SF3B3: variants seen among roughly 807,000 people sequenced by gnomAD.
The protein encoded by SF3B3 is SAP 130.
A neutral mutation model predicts 139.2 loss-of-function variants in SF3B3; 33 were observed. That is an observed-to-expected ratio of 0.24 (90% CI 0.18 to 0.32). The LOEUF (loss-of-function observed/expected upper bound fraction) is 0.32. SF3B3 is among the 10% of genes least tolerant of loss of function. The probability of loss-of-function intolerance (pLI) is 1.00; values close to 1 mark genes in which losing one functional copy is unlikely to be tolerated. For missense variants in SF3B3, 818 were observed against 1,509.4 expected, an observed-to-expected ratio of 0.54 and a Z score of 7.59; for synonymous variants, 596 against 563.6, an observed-to-expected ratio of 1.06 and a Z score of -0.81.
intron 6 of SF3B3, 38 bp downstream of exon 6, chr16:70,535,458 T>A: frequency 7.8e-7 from 1 of 1,279,732 alleles, no homozygotes; most frequent in Non-Finnish European, 1.1e-6. Flanking sequence ...GATTTGTGTT[T>A]AATTTTTGTG....
chr16:70,525,274 G>C (rs539494743), intron 1 of SF3B3, among the ~76,000 whole-genome samples: 44 of 152,146 alleles, frequency 2.9e-4, no homozygotes, highest in African/African-American at 1.0e-3. Flanking sequence ...TGACCCATTT[G>C]CCTCGGCCTC....
chr16:70,526,835 A>G (rs539239441), intron 2 of SF3B3, 109 bp downstream of exon 2: 3 of 746,004 alleles, frequency 4.0e-6, no homozygotes, highest in Non-Finnish European at 4.5e-6. Context: ...AGTTGTTGGT[A>G]AATGTAAACA....
intron 18 of SF3B3, among the ~76,000 whole-genome samples, chr16:70,564,851 C>G (rs1327267299): frequency 6.6e-6 from 1 of 152,160 alleles, no homozygotes; most frequent in Non-Finnish European, 1.5e-5. Flanking sequence ...AATATGTAAC[C>G]AGCAATGTCT....
At position 70,577,236 on chromosome 16, in the gene SF3B3, C is replaced by T. The variant is rs1207418950; in HGVS notation, c.*5423C>T. Reference sequence around the variant, plus strand: ...TGTCCGCTGACCTGGGGCTCTGGCCCTGGGAGATCTGGGGGACCTGCTGTC... The same window carrying T: ...TGTCCGCTGACCTGGGGCTCTGGCCTTGGGAGATCTGGGGGACCTGCTGTC... On this transcript the variant is annotated 3_prime_UTR_variant, in exon 26 of 26. Coordinates refer to ENST00000302516, the MANE Select transcript of SF3B3 (RefSeq NM_012426.5). The T allele has an allele frequency of 1.3e-5, 2 of 152,338 alleles. No individual in the cohort carries two copies. Among genetic ancestry groups the T allele is most frequent in the Non-Finnish European group, 2.9e-5 (2 of 68,142 alleles). The allele number at this position is 152,338 out of a possible 1,614,324, so 9.4% of individuals were successfully genotyped here. A position where few individuals can be genotyped will look rare whatever the true frequency, so the allele number is the denominator to read the frequency against.
chr16:70,555,857 AAC>A (rs1440544372), intron 13 of SF3B3, among the ~76,000 whole-genome samples: 1 of 152,170 alleles, frequency 6.6e-6, no homozygotes, highest in Admixed American at 6.5e-5. Flanking sequence ...ATTCTTGTAA[AAC>A]ACAGACAGTT....
intron 7 of SF3B3, 23 bp from the exon 8 acceptor site, chr16:70,539,081 C>G: frequency 6.5e-7 from 1 of 1,539,578 alleles, no homozygotes; most frequent in African/African-American, 1.4e-5. Flanking sequence ...GTTTGTACAC[C>G]AGAATGTTTC....
chr16:70,556,140 C>T, intron 13 of SF3B3, 39 bp from the exon 14 acceptor site: 1 of 1,610,964 alleles, frequency 6.2e-7, no homozygotes, highest in Non-Finnish European at 8.5e-7. Context: ...AGACCCATCC[C>T]TCTGTAGTTT....
chr16:70,526,886 T>C, intron 2 of SF3B3, 160 bp downstream of exon 2: 2 of 609,940 alleles, frequency 3.3e-6, no homozygotes, highest in East Asian at 2.8e-5. Context: ...TGGTGCATTA[T>C]CTGTTACCTA....
intron 11 of SF3B3, 133 bp from the exon 12 acceptor site, chr16:70,554,313 G>T: frequency 1.3e-6 from 1 of 752,998 alleles, no homozygotes; most frequent in Non-Finnish European, 2.2e-6. Flanking sequence ...GCATGTGTAT[G>T]TGTGTATGTG....
Position 70,554,351 on chromosome 16 carries a change from C to T in SF3B3, c.1403-95C>T, listed in dbSNP as rs1335551652. The T allele has an allele frequency of 1.4e-5, 17 of 1,205,218 alleles. No individual in the cohort carries two copies. The East Asian group carries it at 3.7e-4, about 27-fold the overall frequency. 74.7% of individuals were successfully genotyped at this position (1,205,218 alleles called of 1,614,324 possible). On this transcript the variant is annotated intron_variant, in intron 11 of 25. Transcript: ENST00000302516. ...TAATAACTACACATAGAAGAACTGC[C>T]TTGGAAGGTTTCTGAAGAGAACTCT...
intron 23 of SF3B3, 107 bp from the exon 24 acceptor site, chr16:70,569,899 G>C: frequency 8.0e-7 from 1 of 1,252,104 alleles, no homozygotes; most frequent in South Asian, 1.4e-5. Context: ...ATAATTTTTG[G>C]ATGTTAATAG....
chr16:70,530,074 C>T (rs1409154562), intron 3 of SF3B3, among the ~76,000 whole-genome samples: 4 of 150,854 alleles, frequency 2.7e-5, no homozygotes, highest in Non-Finnish European at 5.9e-5. Context: ...TGCAGTGAGC[C>T]GAGATAGCGC....
At chr16:70,545,724 C>T (rs2050261944) in intron 10 of SF3B3, among the ~76,000 whole-genome samples, 1 of 152,124 alleles carries the variant, frequency 6.6e-6, no homozygotes, top group Admixed American at 6.5e-5. Context: ...ATAGCTATTA[C>T]TAAGTTTTTG....
intron 17 of SF3B3, among the ~76,000 whole-genome samples, chr16:70,562,112 C>T (rs2050434550): frequency 6.6e-6 from 1 of 152,152 alleles, no homozygotes; most frequent in Non-Finnish European, 1.5e-5. Context: ...GCATTGATAA[C>T]CTTTCTTACT....
chr16:70,557,867 G>A (rs569015403), intron 15 of SF3B3, among the ~76,000 whole-genome samples: 5 of 152,140 alleles, frequency 3.3e-5, no homozygotes, highest in South Asian at 2.1e-4. Context: ...GTCTGTTTTT[G>A]TAAGATACTA....
chr16:70,563,775 C>T, intron 17 of SF3B3, 101 bp from the exon 18 acceptor site: 1 of 1,108,132 alleles, frequency 9.0e-7, no homozygotes, highest in East Asian at 2.4e-5. Flanking sequence ...AACGTTAGAG[C>T]TCCAGGGATT....
At position 70,529,117 on chromosome 16, in the gene SF3B3, A is replaced by G. The variant is rs375740776; in HGVS notation, c.315A>G (p.Glu105=). Residue 105 remains glutamate (E), a synonymous_variant, in exon 3 of 26, where the codon GAA becomes GAG. Coordinates refer to ENST00000302516, the MANE Select transcript of SF3B3 (RefSeq NM_012426.5). ...ATATGTTTGAGAAGATTCACCAAGA[A>G]ACCTTTGGCAAGAGTGGATGCCGTC... ...SKNMFEKIHQ[E]TFGKSGCRRI... is the part of the protein sequence containing the mutation. The G allele has an allele frequency of 6.8e-6, 11 of 1,614,084 alleles. No individual in the cohort carries two copies. In the African/African-American group the frequency reaches 1.2e-4, roughly 18 times the overall value.
chr16:70,564,329 G>A (rs1379185047), intron 18 of SF3B3, among the ~76,000 whole-genome samples: 1 of 152,194 alleles, frequency 6.6e-6, no homozygotes, highest in Non-Finnish European at 1.5e-5. Flanking sequence ...CCATGATCAT[G>A]CCACTGCATA....
chr16:70,542,371 C>T (rs2050227221), intron 9 of SF3B3, among the ~76,000 whole-genome samples: 1 of 152,214 alleles, frequency 6.6e-6, no homozygotes, highest in Admixed American at 6.5e-5. Context: ...ACATTGGGAT[C>T]AGTTGGTAAC....
Sources: gnomAD v4.1 joint callset for allele counts (sites outside exome capture counted in the v4.1 genomes callset) on GRCh38, gnomAD v4.1.1 for gene constraint, MANE v1.5 for transcripts, NCBI Gene and HGNC (gene_info 2026-07-23, HGNC 2026-07-21) for gene names.